RALY: variants seen among roughly 807,000 people sequenced by gnomAD.
RALY encodes RNA-binding protein Raly.
RALY carries 15 observed loss-of-function variants against 30.7 expected under a neutral mutation model. The ratio of observed to expected loss-of-function variants is 0.49; its 90% CI spans 0.33 to 0.75. The LOEUF (loss-of-function observed/expected upper bound fraction) is 0.75. Ranked by LOEUF, RALY falls within the 30% of genes least tolerant of loss-of-function variation. The probability of loss-of-function intolerance (pLI) is 0.02; values close to 1 mark genes in which losing one functional copy is unlikely to be tolerated. For missense variants in RALY, 339 were observed against 414.3 expected (o/e 0.82, Z 1.58); for synonymous variants, 177 against 170.8 (o/e 1.04, Z -0.28).
At position 34,078,297 on chromosome 20, in the gene RALY, G is replaced by T. The variant is rs372283463; in HGVS notation, c.877-208G>T. On this transcript the variant is annotated intron_variant, in intron 8 of 9. Transcript: ENST00000246194. Reference sequence around the variant, plus strand: ...CTCCCAGAACACCCTTCACTGGCCTGTGTGGGGTCCTCAGACCACCCTTCC... The same window carrying T: ...CTCCCAGAACACCCTTCACTGGCCTTTGTGGGGTCCTCAGACCACCCTTCC... 1.1e-4 allele frequency among the ~76,000 whole-genome samples: 16 copies of T among 152,360 alleles called. No homozygotes were observed. In the East Asian group the frequency reaches 1.7e-3, roughly 17 times the overall value.
chr20:34,027,999 A>G (rs1184852329), intron 1 of RALY, among the ~76,000 whole-genome samples: 1 of 152,174 alleles, frequency 6.6e-6, no homozygotes, highest in African/African-American at 2.4e-5. Context: ...AGAAACAGAA[A>G]TCTTATAACT....
intron 2 of RALY, among the ~76,000 whole-genome samples, chr20:34,054,262 C>T (rs1175725393): frequency 6.6e-6 from 1 of 152,164 alleles, no homozygotes; most frequent in Non-Finnish European, 1.5e-5. Flanking sequence ...TAGTATAGTG[C>T]TGGAGGCTGG....
intron 2 of RALY, among the ~76,000 whole-genome samples, chr20:34,053,102 C>A (rs980690392): frequency 1.3e-5 from 2 of 151,914 alleles, no homozygotes; most frequent in Non-Finnish European, 2.9e-5. Flanking sequence ...TCAGGTGATC[C>A]GCCTGCCTCG....
At chr20:34,073,894 A>T (rs776562199) in intron 5 of RALY, 28 bp downstream of exon 5, 1 of 1,607,846 alleles carries the variant, frequency 6.2e-7, no homozygotes, top group Admixed American at 1.7e-5. Flanking sequence ...GTGCCCAGGC[A>T]TGAAACAGCC....
chr20:34,004,799 A>G (rs1015095889), intron 1 of RALY, among the ~76,000 whole-genome samples: 1 of 152,198 alleles, frequency 6.6e-6, no homozygotes, highest in African/African-American at 2.4e-5. Flanking sequence ...ACTAAAACCT[A>G]AAGAACTTAG....
At chr20:34,067,057 G>A (rs1212740729) in intron 2 of RALY, among the ~76,000 whole-genome samples, 1 of 152,088 alleles carries the variant, frequency 6.6e-6, no homozygotes. Context: ...TTCCAGTTCT[G>A]GCTTTGCTCT....
intron 2 of RALY, among the ~76,000 whole-genome samples, chr20:34,045,299 A>G (rs1269576064): frequency 6.6e-6 from 1 of 152,248 alleles, no homozygotes; most frequent in East Asian, 1.9e-4. Flanking sequence ...AAAGATAAGC[A>G]GGAGTAAAAT....
chr20:33,999,310 G>A (rs1328004101), intron 1 of RALY, among the ~76,000 whole-genome samples: 1 of 152,032 alleles, frequency 6.6e-6, no homozygotes, highest in Admixed American at 6.5e-5. Flanking sequence ...AGGGGGTAGG[G>A]TTTCTTATGC....
chr20:33,995,074 C>T (rs2030545691), intron 1 of RALY, among the ~76,000 whole-genome samples: 1 of 152,130 alleles, frequency 6.6e-6, no homozygotes, highest in Non-Finnish European at 1.5e-5. Context: ...GTATTTTTAC[C>T]TAGCCTTGGG....
At chr20:34,061,012 G>A (rs543399890) in intron 2 of RALY, among the ~76,000 whole-genome samples, 23 of 152,276 alleles carry the variant, frequency 1.5e-4, no homozygotes, top group Admixed American at 7.8e-4. Context: ...CTCCCTAGAT[G>A]GAGAGAGAAG....
intron 1 of RALY, among the ~76,000 whole-genome samples, chr20:34,002,217 T>C (rs932984444): frequency 1.3e-5 from 2 of 152,192 alleles, no homozygotes; most frequent in Non-Finnish European, 2.9e-5. Context: ...ATAACTTCTC[T>C]TCAGACTTTA....
At chr20:34,044,457 A>T (rs1444964060) in intron 2 of RALY, among the ~76,000 whole-genome samples, 3 of 152,042 alleles carry the variant, frequency 2.0e-5, no homozygotes, top group African/African-American at 7.2e-5. Context: ...AGTAGCTGGG[A>T]TTACAGGCAT....
chr20:34,016,163 T>G (rs532761782), intron 1 of RALY, among the ~76,000 whole-genome samples: 1 of 152,344 alleles, frequency 6.6e-6, no homozygotes, highest in African/African-American at 2.4e-5. Context: ...CCTCCACATT[T>G]CTTTATACCC....
At chr20:34,077,371 G>A in intron 8 of RALY, 126 bp downstream of exon 8, 2 of 1,538,362 alleles carry the variant, frequency 1.3e-6, no homozygotes, top group Non-Finnish European at 8.8e-7. Flanking sequence ...CCTTCCCAGG[G>A]GTTCTGGTCC....
At chr20:34,036,848 A>G (rs185520011) in intron 2 of RALY, among the ~76,000 whole-genome samples, 1 of 151,928 alleles carries the variant, frequency 6.6e-6, no homozygotes, top group East Asian at 1.9e-4. Context: ...GTCAGTCTAG[A>G]TACAGGTTTG....
intron 1 of RALY, among the ~76,000 whole-genome samples, chr20:34,013,905 C>T (rs2031508417): frequency 6.6e-6 from 1 of 152,100 alleles, no homozygotes; most frequent in African/African-American, 2.4e-5. Flanking sequence ...TTGAGTGCTA[C>T]AGATGAAATA....
At chr20:34,076,146 A>C (rs1225944609) in intron 6 of RALY, 106 bp downstream of exon 6, 1 of 1,337,954 alleles carries the variant, frequency 7.5e-7, no homozygotes, top group African/African-American at 1.5e-5. Context: ...CAAGTCTTCC[A>C]CAGTTCTGCT....
chr20:34,077,463 C>A, intron 8 of RALY: 1 of 1,034,766 alleles, frequency 9.7e-7, no homozygotes, highest in Non-Finnish European at 1.4e-6. Flanking sequence ...CTAGGGCAGA[C>A]CTCCCCCAAA....
intron 1 of RALY, among the ~76,000 whole-genome samples, chr20:34,028,806 AG>A (rs2032151293): frequency 6.6e-6 from 1 of 151,380 alleles, no homozygotes; most frequent in African/African-American, 2.4e-5. Flanking sequence ...AAAATTAAGA[AG>A]GGTTTGAATG....
Sources: gnomAD v4.1 joint callset for allele counts (sites outside exome capture counted in the v4.1 genomes callset) on GRCh38, gnomAD v4.1.1 for gene constraint, MANE v1.5 for transcripts, NCBI Gene and HGNC (gene_info 2026-07-23, HGNC 2026-07-21) for gene names.